BCL2L13: variants seen among roughly 807,000 people sequenced by gnomAD.
The protein encoded by BCL2L13 is BCL2 like 13.
BCL2L13 carries 13 observed loss-of-function variants against 25.8 expected under a neutral mutation model. The ratio of observed to expected loss-of-function variants is 0.50; its 90% CI spans 0.33 to 0.80. The LOEUF (loss-of-function observed/expected upper bound fraction) is 0.80, where lower values mean the gene tolerates loss of function less well. Ranked by LOEUF, BCL2L13 falls within the 30% of genes least tolerant of loss-of-function variation. The pLI is 0.02. For synonymous variants in BCL2L13, 244 were observed against 230.3 expected (o/e 1.06, Z -0.54); for missense variants, 504 against 574.9 (o/e 0.88, Z 1.26).
chr22:17,701,742 A>T (rs1271208076), intron 5 of BCL2L13, among the ~76,000 whole-genome samples: 1 of 152,122 alleles, frequency 6.6e-6, no homozygotes, highest in African/African-American at 2.4e-5. Flanking sequence ...CCTGGCCAAC[A>T]TGGTGAAACC....
At chr22:17,687,665 C>G (rs1009978418) in intron 3 of BCL2L13, among the ~76,000 whole-genome samples, 27 of 152,058 alleles carry the variant, frequency 1.8e-4, no homozygotes, top group Middle Eastern at 3.4e-3. Flanking sequence ...TACAGGCGCC[C>G]GCCACCAGGC....
chr22:17,634,526 A>G (rs150828734), upstream of BCL2L13, among the ~76,000 whole-genome samples: 393 of 152,206 alleles, frequency 2.6e-3, 2 homozygotes, highest in African/African-American at 8.5e-3. Context: ...TTCTGTTTCA[A>G]TGTTTTTCTT....
chr22:17,634,653 AATTG>A (rs2058076437), upstream of BCL2L13, among the ~76,000 whole-genome samples: 1 of 152,150 alleles, frequency 6.6e-6, no homozygotes, highest in Non-Finnish European at 1.5e-5. Context: ...TTCAATAAAC[AATTG>A]ATTGGCCAGG....
chr22:17,717,117 TTCTGCC>T (rs1353971983), intron 6 of BCL2L13, among the ~76,000 whole-genome samples: 7 of 152,184 alleles, frequency 4.6e-5, no homozygotes, highest in African/African-American at 1.7e-4. Context: ...ATGCTTTTCC[TTCTGCC>T]TGGAATATCT....
chr22:17,647,562 C>G (rs1023759774), intron 1 of BCL2L13, among the ~76,000 whole-genome samples: 2 of 152,144 alleles, frequency 1.3e-5, no homozygotes, highest in Non-Finnish European at 2.9e-5. Flanking sequence ...AGTGTTTTCA[C>G]CTCTGCATTC....
At chr22:17,636,143 C>G (rs2058102366), upstream of BCL2L13, among the ~76,000 whole-genome samples, 1 of 150,942 alleles carries the variant, frequency 6.6e-6, no homozygotes, top group South Asian at 2.1e-4. Flanking sequence ...GGCCAACACA[C>G]TGAAACCCCG....
At chr22:17,655,978 C>G in intron 2 of BCL2L13, 146 bp downstream of exon 2, 1 of 772,768 alleles carries the variant, frequency 1.3e-6, no homozygotes, top group Non-Finnish European at 1.9e-6. Context: ...CGCGGTGGCT[C>G]ACACCTGTTA....
chr22:17,704,221 G>A (rs2060523983), intron 6 of BCL2L13, among the ~76,000 whole-genome samples: 1 of 152,070 alleles, frequency 6.6e-6, no homozygotes, highest in Non-Finnish European at 1.5e-5. Flanking sequence ...GAGTAGCAGA[G>A]ATTACAGGTG....
At chr22:17,722,378 G>GCGTGT (rs1491171137) in intron 6 of BCL2L13, among the ~76,000 whole-genome samples, 4,963 of 122,044 alleles carry the variant, frequency 0.041, 174 homozygotes, top group African/African-American at 0.054. Context: ...AGACTACAGG[G>GCGTGT]GTGTGTGTGT....
chr22:17,647,548 T>C (rs1178562513), intron 1 of BCL2L13, among the ~76,000 whole-genome samples: 2 of 152,136 alleles, frequency 1.3e-5, no homozygotes, highest in African/African-American at 4.8e-5. Context: ...GTATTACTAG[T>C]GTTAGTGTTT....
chr22:17,666,887 C>T (rs2059250507), intron 2 of BCL2L13, among the ~76,000 whole-genome samples: 1 of 151,926 alleles, frequency 6.6e-6, no homozygotes, highest in South Asian at 2.1e-4. Flanking sequence ...GGGGTTTCAC[C>T]AGTTGGCCAG....
intron 4 of BCL2L13, among the ~76,000 whole-genome samples, chr22:17,689,876 T>C (rs893148454): frequency 6.7e-6 from 1 of 150,106 alleles, no homozygotes; most frequent in Non-Finnish European, 1.5e-5. Flanking sequence ...AAAACCGTTA[T>C]ATCTGTATCC....
chr22:17,693,343 T>G, intron 4 of BCL2L13, among the ~76,000 whole-genome samples: 1 of 107,640 alleles, frequency 9.3e-6, no homozygotes, highest in African/African-American at 2.9e-5. Context: ...GTTTATTTAT[T>G]TATTTATTTA....
chr22:17,722,031 C>T (rs941382393), intron 6 of BCL2L13, among the ~76,000 whole-genome samples: 9 of 152,006 alleles, frequency 5.9e-5, no homozygotes, highest in African/African-American at 1.4e-4. Context: ...GTTTGGTGTA[C>T]GTTTTTCTAA....
At chr22:17,683,885 C>G (rs867755972) in intron 3 of BCL2L13, among the ~76,000 whole-genome samples, 1 of 134,050 alleles carries the variant, frequency 7.5e-6, no homozygotes, top group Admixed American at 7.3e-5. Flanking sequence ...ATTATTATTA[C>G]TATTTCAGAG....
chr22:17,664,911 A>G (rs558353513), intron 2 of BCL2L13, among the ~76,000 whole-genome samples: 1 of 152,274 alleles, frequency 6.6e-6, no homozygotes, highest in African/African-American at 2.4e-5. Flanking sequence ...CCAGGAAACT[A>G]TGTTTCCCTC....
chr22:17,668,667 A>G (rs958647157), intron 2 of BCL2L13, among the ~76,000 whole-genome samples: 3 of 151,972 alleles, frequency 2.0e-5, no homozygotes, highest in African/African-American at 7.2e-5. Flanking sequence ...GGGTTTCACC[A>G]TGTTGGCCAG....
rs34652783 is a variant in BCL2L13 at position 17,653,495 on chromosome 22, ATTTTTTTTT to A, written c.-50-2153_-50-2145del. 2.7e-5 allele frequency among the ~76,000 whole-genome samples: 3 copies of A among 110,722 alleles called. No homozygotes were observed. In the South Asian group the frequency reaches 8.6e-4, roughly 32 times the overall value. 72.6% of individuals were successfully genotyped at this position (110,722 alleles called of 152,430 possible). On this transcript the variant is annotated intron_variant, in intron 1 of 6. Coordinates refer to ENST00000317582, the MANE Select transcript of BCL2L13 (RefSeq NM_015367.4). ...TGTCTTCCTTACCACCTCCAGTATGATTTTTTTTTTTTTTTTTTTTTTGAGACAGGGTCT... is the reference window on the plus strand; with the variant it reads ...TGTCTTCCTTACCACCTCCAGTATGATTTTTTTTTTTTTGAGACAGGGTCT...
chr22:17,634,580 C>T (rs1371969749), upstream of BCL2L13, among the ~76,000 whole-genome samples: 2 of 152,254 alleles, frequency 1.3e-5, no homozygotes, highest in African/African-American at 2.4e-5. Flanking sequence ...AGAGGGACCG[C>T]GTCTGATGTA....
Sources: allele counts gnomAD v4.1 joint callset (sites outside exome capture counted in the v4.1 genomes callset), GRCh38; gene constraint gnomAD v4.1.1; transcripts MANE v1.5; gene names NCBI Gene and HGNC (gene_info 2026-07-23, HGNC 2026-07-21).